LIFR: variants seen among roughly 807,000 people sequenced by gnomAD.
LIFR encodes leukemia inhibitory factor receptor.
LIFR carries 84 observed loss-of-function variants against 122.2 expected under a neutral mutation model. The observed-to-expected ratio is 0.69, with a 90% confidence interval of 0.58 to 0.82. The LOEUF (loss-of-function observed/expected upper bound fraction) is 0.82. Among genes scored for constraint, LIFR ranks in the 40% least tolerant of loss-of-function variants. LIFR has a pLI of 0.00. For synonymous variants in LIFR, 422 were observed against 434.7 expected, an observed-to-expected ratio of 0.97 and a Z score of 0.36; for missense variants, 1,294 against 1,311.6, an observed-to-expected ratio of 0.99 and a Z score of 0.21.
rs1267897996 is a variant in LIFR at position 38,485,923 on chromosome 5, A to G, written c.2393T>C (p.Ile798Thr). 6.2e-7 allele frequency: 1 copy of G among 1,613,988 alleles called. No homozygotes were observed. Among genetic ancestry groups the G allele is most frequent in the African/African-American group, 1.3e-5 (1 of 75,048 alleles). The change falls in exon 17 of 20, where the codon ATT (isoleucine) becomes ACT (threonine). Residue 798 changes from isoleucine (I) to threonine (T), a missense_variant. Transcript: ENST00000453190. ...ACTTGTTTTACCTTGAAGATCAGCA[A>G]TTCTCAGTGTCTTCTGGGATATGTC... ...ITDISQKTLR[I>T]ADLQGKTSYH... is the part of the protein sequence containing the mutation.
chr5:38,501,670 G>A (rs1303844426), intron 11 of LIFR, among the ~76,000 whole-genome samples: 1 of 152,218 alleles, frequency 6.6e-6, no homozygotes, highest in South Asian at 2.1e-4. Context: ...GAACCCGGGA[G>A]GCGGACATTG....
intron 1 of LIFR, among the ~76,000 whole-genome samples, chr5:38,552,576 G>A (rs1397862191): frequency 7.9e-5 from 12 of 152,066 alleles, no homozygotes; most frequent in African/African-American, 1.7e-4. Flanking sequence ...GCTATTCCAC[G>A]GAAATAAAAG....
intron 5 of LIFR, among the ~76,000 whole-genome samples, chr5:38,523,109 C>T (rs182866872): frequency 6.6e-6 from 1 of 152,278 alleles, no homozygotes; most frequent in African/African-American, 2.4e-5. Flanking sequence ...TGTGCACTTT[C>T]ATTTACATAA....
At chr5:38,593,287 G>T (rs1156725724) in intron 1 of LIFR, among the ~76,000 whole-genome samples, 2 of 151,762 alleles carry the variant, frequency 1.3e-5, no homozygotes, top group African/African-American at 2.4e-5. Flanking sequence ...GTATGAAACT[G>T]GGGGGGATGT....
At chr5:38,587,380 G>A (rs1281729300) in intron 1 of LIFR, among the ~76,000 whole-genome samples, 1 of 152,092 alleles carries the variant, frequency 6.6e-6, no homozygotes, top group Non-Finnish European at 1.5e-5. Flanking sequence ...AGGCGTTACT[G>A]GTGCTGGAGG....
At chr5:38,593,062 G>C (rs997861242) in intron 1 of LIFR, among the ~76,000 whole-genome samples, 1 of 152,114 alleles carries the variant, frequency 6.6e-6, no homozygotes, top group Non-Finnish European at 1.5e-5. Flanking sequence ...AATTAGCCAG[G>C]CATGGTGGTG....
At chr5:38,538,984 G>C (rs375661457) in intron 1 of LIFR, among the ~76,000 whole-genome samples, 1 of 151,310 alleles carries the variant, frequency 6.6e-6, no homozygotes, top group Non-Finnish European at 1.5e-5. Flanking sequence ...TTTTTGAGAC[G>C]GAGTCTCGCT....
At position 38,481,743 on chromosome 5, in the gene LIFR, T is replaced by A; in HGVS notation, c.3146A>T (p.Asp1049Val). ...AAATGAGACAATCTCACTGTTGCTG[T>A]CTATGGATCTAGGAGAGTCTGGAGA... ...LVSPDSPRSI[D>V]SNSEIVSFGS... The change falls in exon 20 of 20, where the codon GAC becomes GTC. Residue 1049 changes from aspartate to valine, a missense_variant. Asp to Val is a radical substitution (Grantham distance 152). Coordinates refer to ENST00000453190, the MANE Select transcript of LIFR (RefSeq NM_001127671.2). 1 of 1,614,172 alleles carries A rather than the reference T, an allele frequency of 6.2e-7. No individual in the cohort carries two copies. Among genetic ancestry groups the A allele is most frequent in the Non-Finnish European group, 8.5e-7 (1 of 1,180,028 alleles).
At chr5:38,549,722 C>T (rs942853925) in intron 1 of LIFR, among the ~76,000 whole-genome samples, 1 of 152,134 alleles carries the variant, frequency 6.6e-6, no homozygotes, top group Non-Finnish European at 1.5e-5. Flanking sequence ...ACCCAGGAGG[C>T]GGAGCTTGCA....
chr5:38,593,405 T>A (rs1192298062), intron 1 of LIFR, among the ~76,000 whole-genome samples: 1 of 152,166 alleles, frequency 6.6e-6, no homozygotes, highest in Non-Finnish European at 1.5e-5. Flanking sequence ...ATTATTCAAA[T>A]GAAATGTAAC....
At chr5:38,512,637 CT>C (rs1745861893) in intron 5 of LIFR, among the ~76,000 whole-genome samples, 1 of 151,880 alleles carries the variant, frequency 6.6e-6, no homozygotes, top group African/African-American at 2.4e-5. Flanking sequence ...GATATCCTGT[CT>C]AAAAACAACA....
At chr5:38,570,589 G>A (rs140840196) in intron 1 of LIFR, among the ~76,000 whole-genome samples, 23 of 152,168 alleles carry the variant, frequency 1.5e-4, no homozygotes, top group African/African-American at 5.3e-4. Flanking sequence ...AAAGTACAAA[G>A]CATCATATTT....
Position 38,593,157 on chromosome 5 carries a change from C to T in LIFR, c.-20+2104G>A, listed in dbSNP as rs1251958865. Reference sequence around the variant, plus strand: ...GGCGGAGGTTGCGGTGAGCCGAGGTCGAGCCACTGCACTCCAGCCTGGGTG... The same window carrying T: ...GGCGGAGGTTGCGGTGAGCCGAGGTTGAGCCACTGCACTCCAGCCTGGGTG... On this transcript the variant is annotated intron_variant, in intron 1 of 19. Coordinates refer to the LIFR transcript ENST00000263409. Among the ~76,000 whole-genome samples, 11 of 151,578 alleles carry T rather than the reference C, an allele frequency of 7.3e-5. No individual in the cohort carries two copies. In the South Asian group the frequency reaches 2.3e-3, roughly 32 times the overall value.
At position 38,495,741 on chromosome 5, in the gene LIFR, G is replaced by A. The variant is rs372028012; in HGVS notation, c.1885+641C>T. Among the ~76,000 whole-genome samples the A allele has an allele frequency of 5.9e-5, 9 of 152,282 alleles. No individual in the cohort carries two copies. In the South Asian group the frequency reaches 1.2e-3, roughly 21 times the overall value. ...TGTGGAAGAAGAGGTGGAAGTGGCC[G>A]TTTAAAGCTCATAACTCTCAAAGTT... On this transcript the variant is annotated intron_variant, in intron 13 of 19. Transcript: ENST00000453190.
chr5:38,564,782 A>T (rs1197196106), intron 1 of LIFR, among the ~76,000 whole-genome samples: 33 of 143,078 alleles, frequency 2.3e-4, no homozygotes, highest in African/African-American at 3.9e-4. Context: ...ACACACATAT[A>T]TTTTTTTTTT....
chr5:38,578,466 G>A lies in LIFR; in HGVS notation c.-20+16795C>T, dbSNP rs140256023. Among the ~76,000 whole-genome samples the A allele has an allele frequency of 6.9e-4, 105 of 151,538 alleles. 3 individuals are homozygous for A. In the South Asian group the frequency reaches 0.012, roughly 17 times the overall value. ...GGTGACCCGCCTGCCTTGGCCTCCCGAAGTGCTCAGATTATAGGCATGAGA... is the reference window on the plus strand; with the variant it reads ...GGTGACCCGCCTGCCTTGGCCTCCCAAAGTGCTCAGATTATAGGCATGAGA... On this transcript the variant is annotated intron_variant, in intron 1 of 19. Coordinates refer to the LIFR transcript ENST00000263409.
In LIFR at chr5:38,506,628, T is replaced by C. The variant is rs773208502; in HGVS notation, c.996A>G (p.Pro332=). The change falls in exon 8 of 20, where the codon CCA becomes CCG. Residue 332 remains proline, a synonymous_variant. Coordinates refer to ENST00000453190, the MANE Select transcript of LIFR (RefSeq NM_001127671.2). The stretch of plus-strand genomic sequence containing the variant: ...AATTCAGTTGTTGAGGAGTATCTGG[T>C]GGATCTAACAGAAAAAAAATGCAGG... ...IFGTVIFAGY[P]PDTPQQLNCE... is the part of the protein sequence containing the mutation. 3.7e-5 allele frequency: 59 copies of C among 1,612,496 alleles called. No individual in the cohort carries two copies. The highest frequency in any genetic ancestry group is 4.9e-5 in the Non-Finnish European group (58 of 1,178,690).
chr5:38,583,812 G>A (rs1214887221), intron 1 of LIFR, among the ~76,000 whole-genome samples: 4 of 152,084 alleles, frequency 2.6e-5, no homozygotes, highest in Non-Finnish European at 5.9e-5. Flanking sequence ...GGATCCAGTG[G>A]GAGATAATTG....
chr5:38,588,990 A>G (rs995500512), intron 1 of LIFR, among the ~76,000 whole-genome samples: 1 of 134,864 alleles, frequency 7.4e-6, no homozygotes. Flanking sequence ...GAAGAGCTCT[A>G]TGTTATTTCT....
Sources: allele counts gnomAD v4.1 joint callset (sites outside exome capture counted in the v4.1 genomes callset), GRCh38; gene constraint gnomAD v4.1.1; transcripts MANE v1.5; gene names NCBI Gene and HGNC (gene_info 2026-07-23, HGNC 2026-07-21).